Variants in AKAP11 observed in about 807,000 individuals in gnomAD.
The protein encoded by AKAP11 is A-kinase anchoring protein 11.
A neutral mutation model predicts 146.1 loss-of-function variants in AKAP11; 36 were observed. The observed-to-expected ratio is 0.25, with a 90% CI of 0.19 to 0.33. AKAP11 has a LOEUF of 0.33. AKAP11 is among the 10% of genes least tolerant of loss of function. The pLI is 1.00. For missense variants in AKAP11, 2,201 were observed against 2,197.0 expected (o/e 1.00, Z -0.04); for synonymous variants, 780 against 786.5 (o/e 0.99, Z 0.14).
Position 42,300,997 on chromosome 13 carries a change from A to G in AKAP11, c.2251A>G (p.Ile751Val), listed in dbSNP as rs1160990993. The change falls in exon 8 of 13, where the codon ATT becomes GTT. Residue 751 changes from isoleucine (I) to valine (V), a missense_variant. By Grantham distance (29) the Ile-to-Val change is conservative (BLOSUM62 3). Transcript: ENST00000025301. ...TFSPSFHNQA[I>V]MVTKPVQEYK... Reference sequence around the variant, plus strand: ...TTCCCCTTCTTTTCACAATCAAGCAATTATGGTGACAAAACCAGTGCAGGA... The same window carrying G: ...TTCCCCTTCTTTTCACAATCAAGCAGTTATGGTGACAAAACCAGTGCAGGA... 3.7e-6 allele frequency: 6 copies of G among 1,614,000 alleles called. No homozygotes were observed. In the South Asian group the frequency reaches 4.4e-5, roughly 12 times the overall value.
intron 1 of AKAP11, among the ~76,000 whole-genome samples, chr13:42,279,067 T>G (rs933252965): frequency 5.9e-5 from 9 of 152,156 alleles, no homozygotes; most frequent in Admixed American, 4.6e-4. Context: ...CAATTAATAT[T>G]TTTTCTTTAT....
rs781280077 is a variant in AKAP11, at chr13:42,317,659, C to T, written c.5536C>T (p.His1846Tyr). The change falls in exon 12 of 13, where the codon CAT becomes TAT. Residue 1846 changes from histidine (H) to tyrosine (Y), a missense_variant. By Grantham distance (83) the His-to-Tyr change is moderately conservative (BLOSUM62 2). Around this residue, in one of 3 missense-constraint regions of AKAP11, gnomAD observed 1,867 missense variants for 1,833.5 expected, o/e 1.02. Transcript: ENST00000025301. ...GGCTGAAGTTGCAGAACTTTATTTT[C>T]ATGACTCTGCAAATAAGGAGTTTAT... ...SEAEVAELYF[H>Y]DSANKEFMLL... is the part of the protein sequence containing the mutation. 1 of 1,614,022 alleles carries T rather than the reference C, an allele frequency of 6.2e-7. No individual in the cohort carries two copies. The highest frequency in any genetic ancestry group is 8.5e-7 in the Non-Finnish European group (1 of 1,179,984).
At chr13:42,281,590 G>T (rs1214591727) in intron 1 of AKAP11, among the ~76,000 whole-genome samples, 1 of 152,016 alleles carries the variant, frequency 6.6e-6, no homozygotes, top group Non-Finnish European at 1.5e-5. Context: ...AATTATAAAA[G>T]AATTTATGTT....
intron 11 of AKAP11, 116 bp from the exon 12 acceptor site, chr13:42,317,405 ATATTTTT>A: frequency 9.9e-7 from 1 of 1,013,132 alleles, no homozygotes; most frequent in South Asian, 1.9e-5. Context: ...AAAAAGATGG[ATATTTTT>A]TTCACCATTC....
At chr13:42,308,426 AT>A in intron 8 of AKAP11, 27 bp from the exon 9 acceptor site, 7 of 1,533,300 alleles carry the variant, frequency 4.6e-6, no homozygotes, top group South Asian at 1.2e-5. Context: ...TTTCAATTTG[AT>A]TTTTTTTCTT....
At chr13:42,308,691 A>C (rs1960408275) in intron 9 of AKAP11, 82 bp downstream of exon 9, 1 of 1,107,742 alleles carries the variant, frequency 9.0e-7, no homozygotes, top group Admixed American at 3.1e-5. Context: ...TATTATTTAA[A>C]AATTCTAAAT....
In AKAP11 at chr13:42,302,215, A is replaced by G. The variant is rs757000625; in HGVS notation, c.3469A>G (p.Ile1157Val). ...GSLSENEQNT[I>V]EKEEFMLKLM... ...TTTGTCTGAGAATGAACAAAATACT[A>G]TAGAAAAAGAAGAGTTCATGTTGAA... Residue 1157 changes from isoleucine (I) to valine (V), a missense_variant, in exon 8 of 13, where the codon ATA becomes GTA. This residue lies in a region of AKAP11 where 1,867 missense variants were observed against 1,833.5 expected (regional missense o/e 1.02). Transcript: ENST00000025301. 4 of 1,614,098 alleles carry G rather than the reference A, an allele frequency of 2.5e-6. No individual in the cohort carries two copies. The highest frequency in any genetic ancestry group is 2.7e-5 in the African/African-American group (2 of 74,954).
chr13:42,298,414 A>C, intron 6 of AKAP11, 119 bp from the exon 7 acceptor site: 1 of 1,041,272 alleles, frequency 9.6e-7, no homozygotes, highest in Non-Finnish European at 1.4e-6. Context: ...GGAGCTTTTC[A>C]GGATGCATGA....
chr13:42,302,283 T>C lies in AKAP11; in HGVS notation c.3537T>C (p.Ser1179=), dbSNP rs776621975. ...CTGAAGAAGTTGAGAGTAGTGAAAG[T>C]GGAGAGCTCCCAGAAGTGGATGTGA... ...SLSEEVESSE[S]GELPEVDVKS... The change falls in exon 8 of 13, where the codon AGT becomes AGC. Residue 1179 remains serine (S), a synonymous_variant. Coordinates refer to ENST00000025301, the MANE Select transcript of AKAP11 (RefSeq NM_016248.4). 4 of 1,614,058 alleles carry C rather than the reference T, an allele frequency of 2.5e-6. No individual in the cohort carries two copies. The African/African-American group carries it at 4.0e-5, about 16-fold the overall frequency.
At chr13:42,313,430 GT>G (rs1197366459) in intron 10 of AKAP11, among the ~76,000 whole-genome samples, 1 of 151,864 alleles carries the variant, frequency 6.6e-6, no homozygotes, top group African/African-American at 2.4e-5. Flanking sequence ...TTTCTGTTGG[GT>G]TTTTTTGTTA....
chr13:42,305,930 T>A (rs1007862087), intron 8 of AKAP11, among the ~76,000 whole-genome samples: 3 of 152,220 alleles, frequency 2.0e-5, no homozygotes, highest in Admixed American at 2.0e-4. Context: ...AAGGGGGAGC[T>A]GCCAGACACT....
chr13:42,292,805 T>A (rs1019635806), intron 4 of AKAP11, among the ~76,000 whole-genome samples: 4 of 152,198 alleles, frequency 2.6e-5, no homozygotes, highest in Non-Finnish European at 4.4e-5. Flanking sequence ...CAGCAACTGA[T>A]ACTTTAATAT....
Position 42,322,012 on chromosome 13 carries a change from T to G in AKAP11, c.*2784T>G, listed in dbSNP as rs947688402. The G allele has an allele frequency of 5.9e-5, 9 of 152,282 alleles. No individual in the cohort carries two copies. The highest frequency in any genetic ancestry group is 2.0e-4 in the Admixed American group (3 of 15,280). 9.4% of individuals were successfully genotyped at this position (152,282 alleles called of 1,614,324 possible). Reference sequence around the variant, plus strand: ...AACCAAGTTAAAATTACATGTATATTTTGGTGTTAAGGTTGATTTTTAAGA... The same window carrying G: ...AACCAAGTTAAAATTACATGTATATGTTGGTGTTAAGGTTGATTTTTAAGA... On this transcript the variant is annotated 3_prime_UTR_variant, in exon 13 of 13. Coordinates refer to ENST00000025301, the MANE Select transcript of AKAP11 (RefSeq NM_016248.4).
At chr13:42,280,990 T>G (rs1228646530) in intron 1 of AKAP11, among the ~76,000 whole-genome samples, 1 of 152,164 alleles carries the variant, frequency 6.6e-6, no homozygotes, top group East Asian at 1.9e-4. Context: ...GGAGATCGTT[T>G]AGGGAGAAAG....
At chr13:42,277,384 A>G (rs1958949299) in intron 1 of AKAP11, among the ~76,000 whole-genome samples, 1 of 152,228 alleles carries the variant, frequency 6.6e-6, no homozygotes, top group South Asian at 2.1e-4. Context: ...GCATGTTTAA[A>G]AGTTGTGTTT....
Position 42,303,139 on chromosome 13 carries a change from A to G in AKAP11, c.4393A>G (p.Ile1465Val), listed in dbSNP as rs1235705332. ...YSFSTSLVHS[I>V]TKDAKEELTA... Reference sequence around the variant, plus strand: ...TTTTTCAACCTCTCTGGTTCACAGCATAACAAAAGATGCTAAGGAAGAGTT... The same window carrying G: ...TTTTTCAACCTCTCTGGTTCACAGCGTAACAAAAGATGCTAAGGAAGAGTT... The change falls in exon 8 of 13, where the codon ATA becomes GTA. Residue 1465 changes from isoleucine to valine, a missense_variant. Physicochemically the swap from Ile to Val is conservative, Grantham distance 29 (BLOSUM62 3). Around this residue, in one of 3 missense-constraint regions of AKAP11, gnomAD observed 1,867 missense variants for 1,833.5 expected, o/e 1.02. Transcript: ENST00000025301. 5 of 1,614,104 alleles carry G rather than the reference A, an allele frequency of 3.1e-6. No homozygotes were observed. Among genetic ancestry groups the G allele is most frequent in the Non-Finnish European group, 4.2e-6 (5 of 1,180,040 alleles).
intron 1 of AKAP11, among the ~76,000 whole-genome samples, chr13:42,277,651 T>G (rs1053291989): frequency 2.2e-4 from 34 of 152,246 alleles, no homozygotes; most frequent in Admixed American, 1.5e-3. Context: ...ATTTTCTATT[T>G]GGTGATGTTG....
rs1959168676 is a variant in AKAP11 at position 42,286,640 on chromosome 13, TGTGC to T, written c.51+242_51+245del. 2.0e-5 allele frequency among the ~76,000 whole-genome samples: 3 copies of T among 152,336 alleles called. No homozygotes were observed. The South Asian group carries it at 6.2e-4, about 32-fold the overall frequency. On this transcript the variant is annotated intron_variant, in intron 3 of 12. Coordinates refer to ENST00000025301, the MANE Select transcript of AKAP11 (RefSeq NM_016248.4). ...TTTTTTCTCTACACATAGATATCCA[TGTGC>T]TTTTTTGCAATATAGGCTGTCAGGT...
intron 8 of AKAP11, among the ~76,000 whole-genome samples, chr13:42,307,360 T>C (rs1435924609): frequency 6.6e-6 from 1 of 151,790 alleles, no homozygotes; most frequent in African/African-American, 2.4e-5. Flanking sequence ...AATAAGACAA[T>C]AGGTAAGTAA....
Sources: gnomAD v4.1 joint callset for allele counts (sites outside exome capture counted in the v4.1 genomes callset) on GRCh38, gnomAD v4.1.1 for gene constraint, gnomAD v4.1.1 regional missense constraint, MANE v1.5 for transcripts, NCBI Gene and HGNC (gene_info 2026-07-23, HGNC 2026-07-21) for gene names.